FSIP1: variants seen among roughly 807,000 people sequenced by gnomAD.
FSIP1 encodes fibrous sheath-interacting protein 1.
In FSIP1, 65 loss-of-function variants were observed where a neutral mutation model predicts 60.9. The observed-to-expected ratio is 1.07, with a 90% CI of 0.87 to 1.31. The LOEUF is 1.31. Among genes scored for constraint, FSIP1 ranks in the 40% most tolerant of loss-of-function variants. FSIP1 has a pLI of 0.00. For missense variants in FSIP1, 675 were observed against 665.5 expected (o/e 1.01, Z -0.16); for synonymous variants, 209 against 221.2 (o/e 0.94, Z 0.49).
intron 10 of FSIP1, among the ~76,000 whole-genome samples, chr15:39,661,083 C>A (rs996209047): frequency 2.6e-5 from 4 of 152,156 alleles, no homozygotes; most frequent in South Asian, 2.1e-4. Context: ...ATAAATAAAT[C>A]AATAAATAAA....
intron 11 of FSIP1, among the ~76,000 whole-genome samples, chr15:39,611,616 C>T (rs1891036862): frequency 6.6e-6 from 1 of 152,168 alleles, no homozygotes; most frequent in Admixed American, 6.6e-5. Flanking sequence ...CTCTACAAAA[C>T]AACCAGAAGC....
intron 10 of FSIP1, among the ~76,000 whole-genome samples, chr15:39,647,599 C>T (rs1892671603): frequency 6.6e-6 from 1 of 152,104 alleles, no homozygotes; most frequent in African/African-American, 2.4e-5. Flanking sequence ...CATGACATCA[C>T]TGGTATGTTA....
chr15:39,627,324 G>T (rs1891683625), intron 10 of FSIP1, among the ~76,000 whole-genome samples: 1 of 152,220 alleles, frequency 6.6e-6, no homozygotes. Flanking sequence ...GGCCCCTCAA[G>T]TCACCCATGG....
intron 5 of FSIP1, among the ~76,000 whole-genome samples, chr15:39,760,740 G>A (rs2140695274): frequency 6.6e-6 from 1 of 152,194 alleles, no homozygotes; most frequent in East Asian, 1.9e-4. Context: ...AAATAAAAAG[G>A]ACATTAGTGG....
intron 10 of FSIP1, among the ~76,000 whole-genome samples, chr15:39,654,264 T>G (rs148248289): frequency 1.3e-5 from 2 of 152,258 alleles, no homozygotes; most frequent in African/African-American, 4.8e-5. Context: ...GTACATACTA[T>G]GCATAATTGT....
intron 11 of FSIP1, among the ~76,000 whole-genome samples, chr15:39,610,433 G>C (rs1016217552): frequency 6.6e-6 from 1 of 152,168 alleles, no homozygotes; most frequent in African/African-American, 2.4e-5. Flanking sequence ...TGTAATCCCA[G>C]CACTTTGGGA....
chr15:39,665,683 T>C (rs1409499932), intron 10 of FSIP1, among the ~76,000 whole-genome samples: 1 of 152,208 alleles, frequency 6.6e-6, no homozygotes, highest in African/African-American at 2.4e-5. Context: ...AGATTTTTAT[T>C]ATTATGGAAG....
intron 8 of FSIP1, among the ~76,000 whole-genome samples, chr15:39,736,530 TG>T: frequency 6.6e-6 from 1 of 152,342 alleles, no homozygotes; most frequent in South Asian, 2.1e-4. Flanking sequence ...CTTGAAAAAC[TG>T]GAGGATCCAG....
intron 5 of FSIP1, among the ~76,000 whole-genome samples, chr15:39,755,119 T>C (rs908802387): frequency 2.6e-5 from 4 of 152,122 alleles, no homozygotes; most frequent in Admixed American, 1.3e-4. Flanking sequence ...GGTTATTCAT[T>C]GGTTCAATGG....
At chr15:39,629,685 A>T (rs752971866) in intron 10 of FSIP1, among the ~76,000 whole-genome samples, 6 of 152,226 alleles carry the variant, frequency 3.9e-5, no homozygotes, top group Non-Finnish European at 7.3e-5. Context: ...TAAGCAATCT[A>T]GGTCAATGTA....
At chr15:39,642,494 A>G (rs894662316) in intron 10 of FSIP1, among the ~76,000 whole-genome samples, 2 of 152,170 alleles carry the variant, frequency 1.3e-5, no homozygotes, top group Non-Finnish European at 2.9e-5. Context: ...ATTTAACTGA[A>G]TTCTTTAGTG....
chr15:39,732,724 T>C (rs551250109), intron 8 of FSIP1, among the ~76,000 whole-genome samples: 68 of 152,278 alleles, frequency 4.5e-4, no homozygotes, highest in African/African-American at 1.6e-3. Flanking sequence ...TCATATCATT[T>C]AGTCTTCTTT....
At chr15:39,624,784 C>G (rs1891571676) in intron 10 of FSIP1, among the ~76,000 whole-genome samples, 1 of 152,170 alleles carries the variant, frequency 6.6e-6, no homozygotes, top group African/African-American at 2.4e-5. Flanking sequence ...GCATATTTTT[C>G]ACCAGAATAG....
intron 10 of FSIP1, among the ~76,000 whole-genome samples, chr15:39,621,116 C>A (rs1483790200): frequency 6.7e-6 from 1 of 150,372 alleles, no homozygotes; most frequent in East Asian, 1.9e-4. Context: ...AAGCGAGTTT[C>A]TTTTATTTTA....
At chr15:39,617,562 C>T (rs377090505) in intron 11 of FSIP1, among the ~76,000 whole-genome samples, 173 bp downstream of exon 11, 1 of 152,196 alleles carries the variant, frequency 6.6e-6, no homozygotes, top group South Asian at 2.1e-4. Flanking sequence ...CTAACCTCAA[C>T]TTTGATTTCA....
intron 3 of FSIP1, among the ~76,000 whole-genome samples, chr15:39,769,075 C>T (rs1011359518): frequency 6.6e-6 from 1 of 151,990 alleles, no homozygotes; most frequent in African/African-American, 2.4e-5. Context: ...GTCAGGAGAT[C>T]GAGACCATCC....
At chr15:39,664,162 A>C (rs188072944) in intron 10 of FSIP1, among the ~76,000 whole-genome samples, 1 of 152,336 alleles carries the variant, frequency 6.6e-6, no homozygotes, top group African/African-American at 2.4e-5. Flanking sequence ...ACAACTAAAA[A>C]TATTCTGCAA....
chr15:39,613,775 C>T (rs1183563420), intron 11 of FSIP1, among the ~76,000 whole-genome samples: 1 of 152,040 alleles, frequency 6.6e-6, no homozygotes, highest in African/African-American at 2.4e-5. Context: ...GGGCTTTATC[C>T]CTGGTATGCA....
chr15:39,742,555 G>C (rs6492914), intron 5 of FSIP1, among the ~76,000 whole-genome samples: 1 of 151,942 alleles, frequency 6.6e-6, no homozygotes, highest in Non-Finnish European at 1.5e-5. Context: ...GTGTGTCTCT[G>C]TACCCTAATG....
Sources: gnomAD v4.1 joint callset for allele counts (sites outside exome capture counted in the v4.1 genomes callset) on GRCh38, gnomAD v4.1.1 for gene constraint, MANE v1.5 for transcripts, NCBI Gene and HGNC (gene_info 2026-07-23, HGNC 2026-07-21) for gene names.